The following ZNF536 variants were observed in gnomAD, a reference collection of about 807,000 sequenced individuals.
ZNF536 encodes the protein zinc finger protein 536.
Under a neutral mutation model 84.5 loss-of-function variants are expected in ZNF536, and 13 were observed. That is an observed-to-expected ratio of 0.15 (90% CI 0.10 to 0.24). The LOEUF is 0.24. Ranked by LOEUF, ZNF536 falls within the 10% of genes least tolerant of loss-of-function variation. ZNF536 has a pLI of 1.00. For missense variants in ZNF536, 1,536 were observed against 1,747.5 expected (o/e 0.88, Z 2.16); for synonymous variants, 811 against 742.5 (o/e 1.09, Z -1.50).
intron 2 of ZNF536, among the ~76,000 whole-genome samples, chr19:30,460,354 G>T (rs2053078110): frequency 6.6e-6 from 1 of 152,142 alleles, no homozygotes; most frequent in African/African-American, 2.4e-5. Context: ...CAACTAAATG[G>T]TGTCCAAAAT....
chr19:30,345,916 G>A (rs148236981), intron 2 of ZNF536, among the ~76,000 whole-genome samples: 1 of 152,300 alleles, frequency 6.6e-6, no homozygotes, highest in African/African-American at 2.4e-5. Context: ...GGCATCAGTC[G>A]GGAGGGCTGG....
chr19:30,337,129 A>T (rs2047406890), intron 2 of ZNF536, among the ~76,000 whole-genome samples: 2 of 152,024 alleles, frequency 1.3e-5, no homozygotes, highest in African/African-American at 4.8e-5. Flanking sequence ...CCCCGGAGTT[A>T]GTCACTTTCC....
At chr19:30,593,447 G>A (rs1224457891) in intron 1 of ZNF536, among the ~76,000 whole-genome samples, 1 of 152,148 alleles carries the variant, frequency 6.6e-6, no homozygotes, top group Non-Finnish European at 1.5e-5. Context: ...GAATTCAGCA[G>A]CAGACAGGCC....
chr19:30,344,304 T>TATATATATATATATATAAACTGGGCGTGG (rs1460061348), intron 2 of ZNF536, among the ~76,000 whole-genome samples: 1 of 66,250 alleles, frequency 1.5e-5, no homozygotes, highest in Non-Finnish European at 2.8e-5. Flanking sequence ...CACAAATATA[T>TATATATATATATATATAAACTGGGCGTGG]TGGCGGCCTC....
chr19:30,454,425 A>T (rs2052744867), intron 2 of ZNF536, among the ~76,000 whole-genome samples: 1 of 152,256 alleles, frequency 6.6e-6, no homozygotes, highest in African/African-American at 2.4e-5. Flanking sequence ...GAACATGTTC[A>T]ACATGTTAAC....
chr19:30,472,406 C>G (rs571019864), intron 2 of ZNF536, among the ~76,000 whole-genome samples: 4 of 152,158 alleles, frequency 2.6e-5, no homozygotes, highest in African/African-American at 9.7e-5. Context: ...TATCTCACTG[C>G]GACGGCTGCC....
chr19:30,316,149 A>G (rs2146175451), intron 2 of ZNF536, among the ~76,000 whole-genome samples: 1 of 152,350 alleles, frequency 6.6e-6, no homozygotes, highest in East Asian at 1.9e-4. Context: ...GTAGCATTGC[A>G]GAATCAGTAG....
intron 1 of ZNF536, among the ~76,000 whole-genome samples, chr19:30,708,747 A>G (rs1344314966): frequency 1.3e-5 from 2 of 152,218 alleles, no homozygotes; most frequent in Admixed American, 6.5e-5. Context: ...AGAAGCAAGA[A>G]TTTAGCACTG....
intron 1 of ZNF536, among the ~76,000 whole-genome samples, chr19:30,437,735 G>A (rs2051819508): frequency 6.6e-6 from 1 of 152,174 alleles, no homozygotes; most frequent in South Asian, 2.1e-4. Flanking sequence ...CTACATTGGG[G>A]GGATGATGCT....
intron 1 of ZNF536, among the ~76,000 whole-genome samples, chr19:30,380,089 C>T (rs2048965323): frequency 6.6e-6 from 1 of 152,198 alleles, no homozygotes; most frequent in Non-Finnish European, 1.5e-5. Context: ...AGAGCAGCTC[C>T]AGCAGGGAGC....
chr19:30,707,525 T>C (rs2052291567), intron 1 of ZNF536, among the ~76,000 whole-genome samples: 1 of 152,132 alleles, frequency 6.6e-6, no homozygotes, highest in Admixed American at 6.5e-5. Context: ...GTGCTAGCTG[T>C]GCTCTTCCTC....
chr19:30,688,809 T>G (rs556988213), intron 1 of ZNF536, among the ~76,000 whole-genome samples: 1 of 152,298 alleles, frequency 6.6e-6, no homozygotes, highest in African/African-American at 2.4e-5. Flanking sequence ...TGGGGGAAAC[T>G]CTGTGTTGGG....
intron 1 of ZNF536, among the ~76,000 whole-genome samples, chr19:30,438,374 A>T (rs886914511): frequency 4.6e-5 from 7 of 152,242 alleles, no homozygotes; most frequent in African/African-American, 1.7e-4. Flanking sequence ...TTATAAAAAA[A>T]AATCCTAGAA....
At chr19:30,566,958 C>T (rs2046373041) in intron 1 of ZNF536, among the ~76,000 whole-genome samples, 1 of 149,984 alleles carries the variant, frequency 6.7e-6, no homozygotes, top group Admixed American at 6.6e-5. Context: ...GTGGCCTTTC[C>T]ATGCAGTGGA....
At chr19:30,575,430 T>A (rs2046695208) in intron 1 of ZNF536, among the ~76,000 whole-genome samples, 1 of 152,172 alleles carries the variant, frequency 6.6e-6, no homozygotes, top group Non-Finnish European at 1.5e-5. Flanking sequence ...CTGAAGATGA[T>A]CCTGCCCGCC....
intron 1 of ZNF536, among the ~76,000 whole-genome samples, chr19:30,631,148 C>T (rs916957005): frequency 2.2e-4 from 33 of 152,150 alleles, no homozygotes; most frequent in African/African-American, 6.5e-4. Context: ...TGTAGCCCCT[C>T]GGAAGCAACC....
intron 2 of ZNF536, among the ~76,000 whole-genome samples, chr19:30,464,922 T>A (rs2053317543): frequency 6.6e-6 from 1 of 151,978 alleles, no homozygotes; most frequent in South Asian, 2.1e-4. Context: ...GGATGGAAAG[T>A]GGCTGGAACC....
chr19:30,632,108 G>T (rs11883288), intron 1 of ZNF536, among the ~76,000 whole-genome samples: 17 of 152,276 alleles, frequency 1.1e-4, no homozygotes, highest in African/African-American at 4.1e-4. Flanking sequence ...GAATGGGACC[G>T]CATTTGAAAC....
chr19:30,323,894 C>A (rs766370387), intron 2 of ZNF536, among the ~76,000 whole-genome samples: 2 of 152,166 alleles, frequency 1.3e-5, no homozygotes, highest in Admixed American at 1.3e-4. Flanking sequence ...CCTCAGTCAA[C>A]CTGACCATCC....
Sources: gnomAD v4.1 joint callset for allele counts (sites outside exome capture counted in the v4.1 genomes callset) on GRCh38, gnomAD v4.1.1 for gene constraint, MANE v1.5 for transcripts, NCBI Gene and HGNC (gene_info 2026-07-23, HGNC 2026-07-21) for gene names.